The following NDRG2 variants were observed in gnomAD, a reference collection of about 807,000 sequenced individuals.
The protein encoded by NDRG2 is protein NDRG2.
A neutral mutation model predicts 58.2 loss-of-function variants in NDRG2; 34 were observed. That is an observed-to-expected ratio of 0.58 (90% CI 0.44 to 0.78). The LOEUF (loss-of-function observed/expected upper bound fraction) is 0.78. Ranked by LOEUF, NDRG2 falls within the 30% of genes least tolerant of loss-of-function variation. NDRG2 has a pLI of 0.00. For synonymous variants in NDRG2, 187 were observed against 175.9 expected (o/e 1.06, Z -0.50); for missense variants, 434 against 471.2 (o/e 0.92, Z 0.73).
chr14:21,067,980 C>CTT lies in NDRG2; in HGVS notation c.24+2846_24+2847dup, dbSNP rs1171332473. On this transcript the variant is annotated intron_variant, in intron 1 of 14. Transcript: ENST00000403829. Reference sequence around the variant, plus strand: ...AGCTCAAAAACTTTCAGTGGCTCCCCTTTTTTTTTTTTTTTTTTTTTTTTT... The same window carrying CTT: ...AGCTCAAAAACTTTCAGTGGCTCCCCTTTTTTTTTTTTTTTTTTTTTTTTTTT... Among the ~76,000 whole-genome samples the CTT allele has an allele frequency of 1.8e-4, 4 of 22,284 alleles. 2 individuals carry two copies. The highest frequency in any genetic ancestry group is 2.5e-4 in the Non-Finnish European group (2 of 8,104). 14.6% of individuals were successfully genotyped at this position (22,284 alleles called of 152,430 possible).
At chr14:21,042,990 G>C in intron 1 of NDRG2, 3 of 1,611,236 alleles carry the variant, frequency 1.9e-6, no homozygotes, top group African/African-American at 2.7e-5. Flanking sequence ...CCTCCTAAGA[G>C]AGATGGCACC....
chr14:21,025,011 G>T lies in NDRG2; in HGVS notation c.-988C>A. ...CGCCTTCCAGGCCCTACGGCCCCTCGCCTGCCCCTCCCCCTACCTGCTGCC... is the reference window on the plus strand; with the variant it reads ...CGCCTTCCAGGCCCTACGGCCCCTCTCCTGCCCCTCCCCCTACCTGCTGCC... On this transcript the variant is annotated 5_prime_UTR_variant, in exon 1 of 16. Coordinates refer to ENST00000556147, the MANE Select transcript of NDRG2 (RefSeq NM_001320329.2). This position sits in a 1 kb window ranked among gnomAD's most constrained non-coding sequence, Gnocchi z 5.1. The T allele has an allele frequency of 1.0e-6, 1 of 984,610 alleles. No homozygotes were observed. The highest frequency in any genetic ancestry group is 1.2e-6 in the Non-Finnish European group (1 of 830,332). The allele number at this position is 984,610 out of a possible 1,614,324, so 61.0% of individuals were successfully genotyped here. A position where few individuals can be genotyped will look rare whatever the true frequency, so the allele number is the denominator to read the frequency against.
intron 1 of NDRG2, among the ~76,000 whole-genome samples, chr14:21,063,775 G>T (rs538280631): frequency 6.6e-6 from 1 of 152,200 alleles, no homozygotes; most frequent in East Asian, 1.9e-4. Flanking sequence ...AAGGGCTGGG[G>T]GTAGGAAAAT....
rs78157161 is a variant in NDRG2, at chr14:21,021,021, G to A, written c.408-177C>T. 1.3e-3 allele frequency: 925 copies of A among 708,374 alleles called. 6 individuals are homozygous for A. The African/African-American group carries it at 0.014, about 11-fold the overall frequency. 43.9% of individuals were successfully genotyped at this position (708,374 alleles called of 1,614,324 possible). ...GGCCCAAGAAGCCAAAGGTTGGCAC[G>A]GGTAGTCAGGGTAGATACCTGAAGT... On this transcript the variant is annotated intron_variant, in intron 6 of 15. Transcript: ENST00000556147.
intron 12 of NDRG2, 69 bp downstream of exon 12, chr14:21,018,694 A>C: frequency 3.1e-6 from 5 of 1,608,334 alleles, no homozygotes; most frequent in Non-Finnish European, 4.2e-6. Flanking sequence ...CCTTGGCAAG[A>C]TACTCTTCTG....
chr14:21,064,488 G>T (rs986834783), intron 1 of NDRG2, among the ~76,000 whole-genome samples: 20 of 152,118 alleles, frequency 1.3e-4, no homozygotes, highest in African/African-American at 4.8e-4. Flanking sequence ...TTTTAGTAGA[G>T]ACTGGGTTTC....
At chr14:21,043,491 G>A in intron 1 of NDRG2, 1 of 1,486,802 alleles carries the variant, frequency 6.7e-7, no homozygotes, top group East Asian at 2.3e-5. Context: ...CTCTTTGGCT[G>A]ACCTTCAATT....
intron 11 of NDRG2, 71 bp downstream of exon 11, chr14:21,019,045 T>C (rs368245564): frequency 8.0e-6 from 12 of 1,491,042 alleles, no homozygotes; most frequent in Non-Finnish European, 1.0e-5. Flanking sequence ...AGATTCTCCT[T>C]CTTCTAAGGG....
rs781086251 is a variant in NDRG2 at position 21,034,037 on chromosome 14, C to T, written c.25-10716G>A. On this transcript the variant is annotated intron_variant, in intron 1 of 14. Transcript: ENST00000403829. ...AGAAGCTGTCACTATACTTGCAGAA[C>T]TTCTGGATGGCCTTCCAAGGGGCAT... 4.3e-6 allele frequency: 7 copies of T among 1,614,036 alleles called. No homozygotes were observed. In the Admixed American group the frequency reaches 1.2e-4, roughly 27 times the overall value.
upstream of NDRG2, chr14:21,025,752 T>TGG: frequency 6.3e-6 from 1 of 159,336 alleles, no homozygotes; most frequent in Non-Finnish European, 7.3e-6. This position sits in a 1 kb window ranked among gnomAD's most constrained non-coding sequence, Gnocchi z 5.1. Context: ...GGCGGGGAGG[T>TGG]GGGGGCGGGG....
intron 1 of NDRG2, chr14:21,030,911 G>A: frequency 6.6e-7 from 1 of 1,525,750 alleles, no homozygotes; most frequent in Non-Finnish European, 8.9e-7. Flanking sequence ...CTCACTGATT[G>A]ATAGGACAAA....
chr14:21,048,699 G>C (rs935329180), intron 1 of NDRG2, among the ~76,000 whole-genome samples: 1 of 152,220 alleles, frequency 6.6e-6, no homozygotes, highest in Admixed American at 6.5e-5. Context: ...TGTAGGGAAA[G>C]TTTGAATGGT....
intron 1 of NDRG2, chr14:21,042,828 C>T: frequency 1.6e-6 from 1 of 628,268 alleles, no homozygotes; most frequent in Non-Finnish European, 2.8e-6. Context: ...TGTGGACACA[C>T]AGAAGAAGAG....
intron 1 of NDRG2, among the ~76,000 whole-genome samples, chr14:21,055,513 C>A (rs894762764): frequency 6.6e-6 from 1 of 152,168 alleles, no homozygotes; most frequent in African/African-American, 2.4e-5. Context: ...GTGGGGAAAA[C>A]TCATGATGAA....
intron 1 of NDRG2, among the ~76,000 whole-genome samples, chr14:21,049,935 C>A (rs1365153703): frequency 6.6e-6 from 1 of 152,006 alleles, no homozygotes; most frequent in Non-Finnish European, 1.5e-5. Flanking sequence ...CACCACCATG[C>A]CCGGCTAATT....
rs937075945 is a variant in NDRG2 at position 21,025,004 on chromosome 14, G to A, written c.-981C>T. ...CGGCTGGCGCCTTCCAGGCCCTACG[G>A]CCCCTCGCCTGCCCCTCCCCCTACC... is the stretch of plus-strand genomic sequence containing the variant. On this transcript the variant is annotated 5_prime_UTR_variant, in exon 1 of 16. Transcript: ENST00000556147. The surrounding 1 kb of genome is among the most constrained non-coding windows in gnomAD (Gnocchi z 5.1). The A allele has an allele frequency of 1.0e-6, 1 of 985,882 alleles. No homozygotes were observed. The highest frequency in any genetic ancestry group is 1.2e-6 in the Non-Finnish European group (1 of 830,362). 61.1% of individuals were successfully genotyped at this position (985,882 alleles called of 1,614,324 possible). A position where few individuals can be genotyped will look rare whatever the true frequency, so the allele number is the denominator to read the frequency against.
intron 1 of NDRG2, among the ~76,000 whole-genome samples, chr14:21,053,583 C>T (rs1885557639): frequency 6.6e-6 from 1 of 151,930 alleles, no homozygotes; most frequent in African/African-American, 2.4e-5. Context: ...GCCGAGATCT[C>T]GCCACTGCAG....
chr14:21,041,889 A>G (rs1199754957), intron 1 of NDRG2, among the ~76,000 whole-genome samples: 2 of 152,116 alleles, frequency 1.3e-5, no homozygotes, highest in Admixed American at 6.5e-5. Flanking sequence ...TGTCTGTTCC[A>G]TCTCCTCCGA....
At chr14:21,019,853 G>C (rs1301613063) in intron 9 of NDRG2, 67 bp downstream of exon 9, 50 of 1,565,766 alleles carry the variant, frequency 3.2e-5, no homozygotes, top group Non-Finnish European at 4.1e-5. Context: ...AGCTAAGGAA[G>C]TTAGCCCAAG....
Sources: gnomAD v4.1 joint callset for allele counts (sites outside exome capture counted in the v4.1 genomes callset) on GRCh38, gnomAD v4.1.1 for gene constraint, Gnocchi (gnomAD v3.1) non-coding constraint, MANE v1.5 for transcripts, NCBI Gene and HGNC (gene_info 2026-07-23, HGNC 2026-07-21) for gene names.